PCED1A: variants seen among roughly 807,000 people sequenced by gnomAD.
The protein encoded by PCED1A is PC-esterase domain containing 1A, also known as PC-esterase domain-containing protein 1A.
In PCED1A, 20 loss-of-function variants were observed where a neutral mutation model predicts 41.9. The ratio of observed to expected loss-of-function variants is 0.48; its 90% CI spans 0.34 to 0.69. The LOEUF is 0.69. Among genes scored for constraint, PCED1A ranks in the 30% least tolerant of loss-of-function variants. The probability of loss-of-function intolerance (pLI) is 0.01; values close to 1 mark genes in which losing one functional copy is unlikely to be tolerated. For missense variants in PCED1A, 498 were observed against 602.1 expected, an observed-to-expected ratio of 0.83 and a Z score of 1.81; for synonymous variants, 236 against 241.3, an observed-to-expected ratio of 0.98 and a Z score of 0.20.
At chr20:2,835,842 AC>A in intron 7 of PCED1A, 133 bp from the exon 8 acceptor site, 1 of 1,466,826 alleles carries the variant, frequency 6.8e-7, no homozygotes, top group Non-Finnish European at 9.1e-7. Flanking sequence ...TCCTTCCCCT[AC>A]CTTCAGACGG....
rs138567607 is a variant in PCED1A at position 2,835,559 on chromosome 20, C to T, written c.1268G>A (p.Gly423Glu). ...NSPYHVRRMGGPCRQRLRHSE... is the reference protein window; with the variant it reads ...NSPYHVRRMGEPCRQRLRHSE... ...GTGTCTGAGCCGCTGCCTGCAGGGC[C>T]CCCCCATTCTCCGCACATGGTAGGG... The change falls in exon 8 of 8, where the codon GGG becomes GAG. Residue 423 changes from glycine to glutamate, a missense_variant. Around this residue, in one of 2 missense-constraint regions of PCED1A, gnomAD observed 245 missense variants for 232.4 expected, o/e 1.05. Transcript: ENST00000360652. The T allele has an allele frequency of 3.7e-4, 597 of 1,614,028 alleles. 2 individuals carry two copies. The highest frequency in any genetic ancestry group is 4.7e-4 in the Non-Finnish European group (552 of 1,180,016).
In PCED1A at chr20:2,839,940, G is replaced by T; in HGVS notation, c.-21-7C>A. 2.5e-6 allele frequency: 4 copies of T among 1,605,358 alleles called. No homozygotes were observed. The highest frequency in any genetic ancestry group is 3.4e-6 in the Non-Finnish European group (4 of 1,177,466). On this transcript the variant is annotated splice_polypyrimidine_tract_variant and splice_region_variant and intron_variant, in intron 1 of 7. Coordinates refer to ENST00000360652, the MANE Select transcript of PCED1A (RefSeq NM_022760.6). ...CGCCACCAGCAACGACAGGCTGCAG[G>T]GAGAGGCCACTAAGCAGCGCGATGG...
chr20:2,838,419 A>G lies in PCED1A; in HGVS notation c.654T>C (p.Ala218=). Residue 218 remains alanine, a synonymous_variant, in exon 6 of 8, where the codon GCT becomes GCC. Transcript: ENST00000360652. The surrounding 1 kb of genome is among the most constrained non-coding windows in gnomAD (Gnocchi z 5.8). ...CAAAGCAGTGGTCCCCGGCCAGCGT[A>G]GCACTGTAGAAGTTCCCTTCAACCA... ...RDVVEGNFYS[A]TLAGDHCFDV... 6.2e-7 allele frequency: 1 copy of G among 1,614,250 alleles called. No homozygotes were observed. Among genetic ancestry groups the G allele is most frequent in the Non-Finnish European group, 8.5e-7 (1 of 1,180,042 alleles).
Position 2,839,084 on chromosome 20 carries a change from T to TGGGGGCCCC in PCED1A, c.205-3_205-2insGGGGCCCCC. On this transcript the variant is annotated splice_region_variant and splice_polypyrimidine_tract_variant and intron_variant, in intron 3 of 7. Transcript: ENST00000360652. ...GTCCTGTTCAAAGCTCAGCTCCCCC[T>TGGGGGCCCC]ACCCACCCCCCCCACCCTACTGGTC... is the stretch of plus-strand genomic sequence containing the variant. The TGGGGGCCCC allele has an allele frequency of 4.1e-6, 3 of 725,226 alleles. No individual in the cohort carries two copies. The highest frequency in any genetic ancestry group is 5.7e-6 in the Non-Finnish European group (3 of 522,202). The allele number at this position is 725,226 out of a possible 1,614,324, so 44.9% of individuals were successfully genotyped here.
At position 2,836,192 on chromosome 20, in the gene PCED1A, TG is replaced by T. The variant is rs1333601811; in HGVS notation, c.963del (p.Met322CysfsTer51). 1.3e-6 allele frequency: 2 copies of T among 1,535,222 alleles called. No homozygotes were observed. The highest frequency in any genetic ancestry group is 1.8e-6 in the Non-Finnish European group (2 of 1,138,374). On this transcript the variant is annotated frameshift_variant, in exon 7 of 8. Transcript: ENST00000360652. LOFTEE classifies it high-confidence loss of function. ...TGAGGAAGCGGGTAGGGAAAAGGCA[TG>T]GGAGGAGGCAAAGAAGAAGGTGGGG... ...LPPPPSSLPP[P>X]MPFPYPLPQP...
rs2088952483 is a variant in PCED1A, at chr20:2,840,638, G to C, written c.-449C>G. ...TGGGGTCTCGGGGCGGCAGCCAAGT[G>C]AGGCTGCCCACAGTGGTGATGGCCG... On this transcript the variant is annotated 5_prime_UTR_variant, in exon 1 of 8. Coordinates refer to ENST00000360652, the MANE Select transcript of PCED1A (RefSeq NM_022760.6). 1.0e-6 allele frequency: 1 copy of C among 954,278 alleles called. No individual in the cohort carries two copies. The highest frequency in any genetic ancestry group is 2.2e-5 in the Admixed American group (1 of 46,170). 59.1% of individuals were successfully genotyped at this position (954,278 alleles called of 1,614,324 possible).
chr20:2,839,334 T>C (rs2088901582), intron 2 of PCED1A, 63 bp from the exon 3 acceptor site: 4 of 1,499,182 alleles, frequency 2.7e-6, no homozygotes, highest in Non-Finnish European at 3.7e-6. Flanking sequence ...TCCTTCCAAG[T>C]CCAGGACCCC....
In PCED1A at chr20:2,839,925, A is replaced by G. The variant is rs2146623930; in HGVS notation, c.-13T>C. 1.2e-6 allele frequency: 2 copies of G among 1,609,830 alleles called. No homozygotes were observed. The highest frequency in any genetic ancestry group is 2.2e-5 in the East Asian group (1 of 44,828). ...GACAGAAGACCATGCCGCCACCAGC[A>G]ACGACAGGCTGCAGGGAGAGGCCAC... On this transcript the variant is annotated 5_prime_UTR_variant, in exon 2 of 8. Coordinates refer to ENST00000360652, the MANE Select transcript of PCED1A (RefSeq NM_022760.6).
upstream of PCED1A, chr20:2,840,835 G>GCGCCC: frequency 1.4e-5 from 22 of 1,524,060 alleles, no homozygotes; most frequent in Non-Finnish European, 1.7e-5. Flanking sequence ...CCGGTGAGCT[G>GCGCCC]CCCCGCCCTC....
At position 2,835,439 on chromosome 20, in the gene PCED1A, C is replaced by T. The variant is rs2088804674; in HGVS notation, c.*23G>A. The T allele has an allele frequency of 6.3e-7, 1 of 1,588,278 alleles. No homozygotes were observed. The highest frequency in any genetic ancestry group is 1.3e-5 in the African/African-American group (1 of 74,580). On this transcript the variant is annotated 3_prime_UTR_variant, in exon 8 of 8. Coordinates refer to ENST00000360652, the MANE Select transcript of PCED1A (RefSeq NM_022760.6). ...AGGCCCTGAAGGGCCATTGGCACAT[C>T]CAGTCCCAGCCCAAGATCCAGTCTA... is the stretch of plus-strand genomic sequence containing the variant.
rs1292054048 is a variant in PCED1A at position 2,835,598 on chromosome 20, T to C, written c.1229A>G (p.Tyr410Cys). 2.5e-6 allele frequency: 4 copies of C among 1,613,942 alleles called. No individual in the cohort carries two copies. The highest frequency in any genetic ancestry group is 3.4e-6 in the Non-Finnish European group (4 of 1,179,838). ...GPVVHRGMPRYVPNSPYHVRR... is the reference protein window; with the variant it reads ...GPVVHRGMPRCVPNSPYHVRR... ...CACATGGTAGGGGCTGTTAGGAACATAGCGTGGCATCCCCCGGTGGACCAC... is the reference window on the plus strand; with the variant it reads ...CACATGGTAGGGGCTGTTAGGAACACAGCGTGGCATCCCCCGGTGGACCAC... The change falls in exon 8 of 8, where the codon TAT becomes TGT. Residue 410 changes from tyrosine to cysteine, a missense_variant. Physicochemically the swap from Tyr to Cys is radical, Grantham distance 194 (BLOSUM62 -2). Around this residue, in one of 2 missense-constraint regions of PCED1A, gnomAD observed 245 missense variants for 232.4 expected, o/e 1.05. Transcript: ENST00000360652.
In PCED1A at chr20:2,839,085, A is replaced by AGTGCCCCCCC; in HGVS notation, c.205-4_205-3insGGGGGGGCAC. On this transcript the variant is annotated splice_region_variant and splice_polypyrimidine_tract_variant and intron_variant, in intron 3 of 7. Transcript: ENST00000360652. Reference sequence around the variant, plus strand: ...TCCTGTTCAAAGCTCAGCTCCCCCTACCCACCCCCCCCACCCTACTGGTCA... The same window carrying AGTGCCCCCCC: ...TCCTGTTCAAAGCTCAGCTCCCCCTAGTGCCCCCCCCCCACCCCCCCCACCCTACTGGTCA... The AGTGCCCCCCC allele has an allele frequency of 2.0e-6, 1 of 491,620 alleles. No individual in the cohort carries two copies. The highest frequency in any genetic ancestry group is 3.5e-6 in the Non-Finnish European group (1 of 287,788). The allele number at this position is 491,620 out of a possible 1,614,324, so 30.5% of individuals were successfully genotyped here. A position where few individuals can be genotyped will look rare whatever the true frequency, so the allele number is the denominator to read the frequency against.
At position 2,839,600 on chromosome 20, in the gene PCED1A, A is replaced by G. The variant is rs139506377; in HGVS notation, c.124+189T>C. Among the ~76,000 whole-genome samples, 420 of 152,316 alleles carry G rather than the reference A, an allele frequency of 2.8e-3. 2 individuals are homozygous for G. Among genetic ancestry groups the G allele is most frequent in the African/African-American group, 9.7e-3 (402 of 41,578 alleles). On this transcript the variant is annotated intron_variant, in intron 2 of 7. Transcript: ENST00000360652. Reference sequence around the variant, plus strand: ...GAAATGCTGAGCAAGGATGGGCTAAAAAGTGCACAGGTTATTACACCTGTC... The same window carrying G: ...GAAATGCTGAGCAAGGATGGGCTAAGAAGTGCACAGGTTATTACACCTGTC...
At position 2,840,219 on chromosome 20, in the gene PCED1A, G is replaced by C. The variant is rs1486397820; in HGVS notation, c.-30C>G. The C allele has an allele frequency of 1.4e-5, 4 of 278,220 alleles. No individual in the cohort carries two copies. Among genetic ancestry groups the C allele is most frequent in the Non-Finnish European group, 2.7e-5 (4 of 149,944 alleles). 17.2% of individuals were successfully genotyped at this position (278,220 alleles called of 1,614,324 possible). ...CCGCTCGCGCCAATTACCAAGTCCC[G>C]GGGCTCCGCGGTGTTCACCCGCGAC... On this transcript the variant is annotated 5_prime_UTR_variant, in exon 1 of 8. Coordinates refer to ENST00000360652, the MANE Select transcript of PCED1A (RefSeq NM_022760.6).
Position 2,839,875 on chromosome 20 carries a change from G to C in PCED1A, c.38C>G (p.Pro13Arg), listed in dbSNP as rs986829884. ...GAAGTGGACCATGTCGCTTCGCAGC[G>C]GGCGGCGCGGCTCCTCGCTCGACAG... ...FCLSSEEPRR[P>R]LRSDMVHFQA... is the part of the protein sequence containing the mutation. The change falls in exon 2 of 8, where the codon CCG (proline) becomes CGG (arginine). Residue 13 changes from proline (P) to arginine (R), a missense_variant. Physicochemically the swap from Pro to Arg is moderately radical, Grantham distance 103 (BLOSUM62 -2). Coordinates refer to ENST00000360652, the MANE Select transcript of PCED1A (RefSeq NM_022760.6). 5.6e-6 allele frequency: 9 copies of C among 1,613,882 alleles called. No individual in the cohort carries two copies. The highest frequency in any genetic ancestry group is 1.3e-5 in the African/African-American group (1 of 74,932).
chr20:2,839,594 G>C (rs2088909817), intron 2 of PCED1A, among the ~76,000 whole-genome samples, 195 bp downstream of exon 2: 1 of 152,158 alleles, frequency 6.6e-6, no homozygotes, highest in South Asian at 2.1e-4. Context: ...AGCAAGGATG[G>C]GCTAAAAAGT....
rs1318533793 is a variant in PCED1A at position 2,838,718 on chromosome 20, G to A, written c.472C>T (p.Arg158Trp). ...ACAAACACCCGCTCCAGGTTCTCCC[G>A]GTAGCTCTCCATTGAGCAGCGACCA... ...RYGRCSMESY[R>W]ENLERVFVRM... Residue 158 changes from arginine to tryptophan, a missense_variant, in exon 5 of 8, where the codon CGG becomes TGG. Physicochemically the swap from Arg to Trp is moderately radical, Grantham distance 101. Transcript: ENST00000360652. This position sits in a 1 kb window ranked among gnomAD's most constrained non-coding sequence, Gnocchi z 5.8. 6 of 1,614,140 alleles carry A rather than the reference G, an allele frequency of 3.7e-6. No individual in the cohort carries two copies. Among genetic ancestry groups the A allele is most frequent in the Admixed American group, 3.3e-5 (2 of 60,020 alleles).
At chr20:2,840,079 T>G in intron 1 of PCED1A, 132 bp downstream of exon 1, 1 of 811,964 alleles carries the variant, frequency 1.2e-6, no homozygotes, top group Non-Finnish European at 1.8e-6. Context: ...TCACACTTGG[T>G]ACCAGAGGCA....
At position 2,838,440 on chromosome 20, in the gene PCED1A, A is replaced by T. The variant is rs2088875389; in HGVS notation, c.633T>A (p.Val211=). Residue 211 remains valine, a synonymous_variant, in exon 6 of 8, where the codon GTT becomes GTA. Transcript: ENST00000360652. This position sits in a 1 kb window ranked among gnomAD's most constrained non-coding sequence, Gnocchi z 5.8. ...GCGTAGCACTGTAGAAGTTCCCTTC[A>T]ACCACATCCCGCCGCAGGGAGCCTG... ...PLAGSLRRDV[V]EGNFYSATLA... 2 of 1,613,340 alleles carry T rather than the reference A, an allele frequency of 1.2e-6. No individual in the cohort carries two copies. Among genetic ancestry groups the T allele is most frequent in the Non-Finnish European group, 1.7e-6 (2 of 1,179,328 alleles).
Sources: gnomAD v4.1 joint callset for allele counts (sites outside exome capture counted in the v4.1 genomes callset) on GRCh38, gnomAD v4.1.1 for gene constraint, gnomAD v4.1.1 regional missense constraint, Gnocchi (gnomAD v3.1) non-coding constraint, MANE v1.5 for transcripts, NCBI Gene and HGNC (gene_info 2026-07-23, HGNC 2026-07-21) for gene names.